Variants in AMPD3 observed in about 807,000 individuals in gnomAD.
AMPD3 encodes the protein adenosine monophosphate deaminase 3, also known as AMP deaminase 3.
Under a neutral mutation model 82.3 loss-of-function variants are expected in AMPD3, and 57 were observed. The ratio of observed to expected loss-of-function variants is 0.69; its 90% CI spans 0.56 to 0.86. The LOEUF (loss-of-function observed/expected upper bound fraction) is 0.86. Among genes scored for constraint, AMPD3 ranks in the 40% least tolerant of loss-of-function variants. The pLI, the probability that AMPD3 is intolerant of heterozygous loss-of-function variation, is 0.00. For synonymous variants in AMPD3, 381 were observed against 394.7 expected, an observed-to-expected ratio of 0.97 and a Z score of 0.41; for missense variants, 870 against 1,003.8, an observed-to-expected ratio of 0.87 and a Z score of 1.80.
At chr11:10,486,093 C>G (rs1849060221) in intron 5 of AMPD3, among the ~76,000 whole-genome samples, 1 of 152,160 alleles carries the variant, frequency 6.6e-6, no homozygotes. Context: ...ATGGGAAGGG[C>G]AGGGGCGGTT....
intron 2 of AMPD3, among the ~76,000 whole-genome samples, chr11:10,465,833 T>G (rs1383717030): frequency 2.0e-5 from 3 of 151,430 alleles, no homozygotes; most frequent in African/African-American, 7.3e-5. Flanking sequence ...TTTTTTTTTT[T>G]TTTTTTTCTG....
At chr11:10,505,372 T>A in intron 14 of AMPD3, 1 of 815,964 alleles carries the variant, frequency 1.2e-6, no homozygotes, top group African/African-American at 4.7e-5. Context: ...CCTTGTCAGC[T>A]CTCAGGGGCT....
At chr11:10,501,783 A>G (rs1849588396) in intron 12 of AMPD3, 193 bp downstream of exon 12, 2 of 985,096 alleles carry the variant, frequency 2.0e-6, no homozygotes, top group African/African-American at 3.5e-5. Flanking sequence ...AAAACTGGAG[A>G]AATGGAAAAA....
Position 10,461,746 on chromosome 11 carries a change from T to C in AMPD3, c.221+6T>C, listed in dbSNP as rs1293259555. On this transcript the variant is annotated splice_donor_region_variant and intron_variant, in intron 2 of 14. Transcript: ENST00000396553. ...TCTGTGGAGACCGCAAAAAGGTTTG[T>C]TCCCAAGGCATGGTTTTCGTGTACA... The C allele has an allele frequency of 5.0e-6, 8 of 1,601,972 alleles. No individual in the cohort carries two copies. The Admixed American group carries it at 5.2e-5, about 10-fold the overall frequency.
At position 10,465,855 on chromosome 11, in the gene AMPD3, C is replaced by T. The variant is rs367665309; in HGVS notation, c.221+4115C>T. On this transcript the variant is annotated intron_variant, in intron 2 of 14. Coordinates refer to ENST00000396553, the MANE Select transcript of AMPD3 (RefSeq NM_001025389.2). ...TTTTTTTTTTTCTGTACCCCAGTGG[C>T]GCCTGGAGCGCCAGCAAGACAGAAT... Among the ~76,000 whole-genome samples the T allele has an allele frequency of 2.1e-3, 305 of 144,900 alleles. 1 individual carries two copies. The highest frequency in any genetic ancestry group is 7.2e-3 in the African/African-American group (282 of 38,990).
chr11:10,484,280 C>G, intron 4 of AMPD3: 2 of 985,370 alleles, frequency 2.0e-6, no homozygotes, highest in Non-Finnish European at 2.4e-6. Context: ...TTGGCATTCT[C>G]TGCTCTGGGG....
At chr11:10,498,321 A>G (rs1267232764) in intron 10 of AMPD3, 1 of 152,716 alleles carries the variant, frequency 6.5e-6, no homozygotes, top group East Asian at 1.9e-4. Context: ...AGCATGGATG[A>G]TGTGCTGTCC....
At chr11:10,502,538 G>T in intron 12 of AMPD3, 183 bp from the exon 13 acceptor site, 1 of 985,446 alleles carries the variant, frequency 1.0e-6, no homozygotes, top group Non-Finnish European at 1.2e-6. Flanking sequence ...GAGATGAACA[G>T]TGGGGAAGGG....
At chr11:10,500,470 A>T (rs891748427) in intron 11 of AMPD3, 5 of 591,060 alleles carry the variant, frequency 8.5e-6, no homozygotes, top group African/African-American at 6.0e-5. Flanking sequence ...TGCCCACCAT[A>T]ACACACATGC....
chr11:10,485,559 G>A (rs893824654), intron 5 of AMPD3, among the ~76,000 whole-genome samples: 3 of 152,084 alleles, frequency 2.0e-5, no homozygotes, highest in African/African-American at 4.8e-5. Flanking sequence ...TGTCCCTTCT[G>A]CGTGCATAGT....
At chr11:10,466,746 G>T (rs1385201870) in intron 2 of AMPD3, among the ~76,000 whole-genome samples, 2 of 152,192 alleles carry the variant, frequency 1.3e-5, no homozygotes, top group East Asian at 3.9e-4. Context: ...ATCCTGACTG[G>T]GAGACACCTC....
intron 12 of AMPD3, chr11:10,502,263 T>C: frequency 5.1e-6 from 5 of 985,452 alleles, no homozygotes; most frequent in Non-Finnish European, 6.0e-6. Flanking sequence ...CCTGGGCAGG[T>C]CCACCCCTCC....
At chr11:10,452,485 A>G (rs1847986637), upstream of AMPD3, among the ~76,000 whole-genome samples, 1 of 152,096 alleles carries the variant, frequency 6.6e-6, no homozygotes, top group Non-Finnish European at 1.5e-5. Context: ...GGCTGTGTAC[A>G]GTCACCGAGA....
intron 6 of AMPD3, among the ~76,000 whole-genome samples, chr11:10,490,125 C>A (rs141245617): frequency 6.6e-6 from 1 of 152,132 alleles, no homozygotes; most frequent in South Asian, 2.1e-4. Context: ...GCAGGAGCTG[C>A]GACGTGGCCG....
chr11:10,460,545 T>G (rs1848239045), intron 1 of AMPD3, among the ~76,000 whole-genome samples: 1 of 152,038 alleles, frequency 6.6e-6, no homozygotes, highest in South Asian at 2.1e-4. Context: ...CAGCTGGGAT[T>G]ACAGGTGCCT....
At chr11:10,500,278 TG>T (rs1480720396) in intron 11 of AMPD3, 29 bp downstream of exon 11, 1 of 1,613,082 alleles carries the variant, frequency 6.2e-7, no homozygotes, top group Admixed American at 1.7e-5. Context: ...CGCACATGCT[TG>T]GGTTCATGTG....
chr11:10,500,440 T>C (rs1049480522), intron 11 of AMPD3, 191 bp downstream of exon 11: 16 of 549,768 alleles, frequency 2.9e-5, no homozygotes, highest in Non-Finnish European at 2.8e-5. Context: ...TGTCTCCACA[T>C]GATCACACAC....
intron 11 of AMPD3, chr11:10,500,903 C>T: frequency 1.0e-6 from 1 of 985,432 alleles, no homozygotes; most frequent in South Asian, 4.7e-5. Flanking sequence ...CTGCTGGGCC[C>T]TGGGGTCTCT....
At position 10,478,728 on chromosome 11, in the gene AMPD3, G is replaced by A; in HGVS notation, c.424G>A (p.Gly142Arg). The A allele has an allele frequency of 2.5e-6, 4 of 1,611,500 alleles. No individual in the cohort carries two copies. Among genetic ancestry groups the A allele is most frequent in the Non-Finnish European group, 3.4e-6 (4 of 1,180,010 alleles). ...CACCATCAGCGGAGATTACTGTGCCGGGGTAAGGCGTCTGTGAGAGTGTTG... is the reference window on the plus strand; with the variant it reads ...CACCATCAGCGGAGATTACTGTGCCAGGGTAAGGCGTCTGTGAGAGTGTTG... ...RVTISGDYCA[G>R]ITLEDYEQAA... is the part of the protein sequence containing the mutation. The change falls in exon 3 of 15, where the codon GGG becomes AGG. Residue 142 changes from glycine (G) to arginine (R), a missense_variant and splice_region_variant. Coordinates refer to ENST00000396553, the MANE Select transcript of AMPD3 (RefSeq NM_001025389.2).
Sources: allele counts gnomAD v4.1 joint callset (sites outside exome capture counted in the v4.1 genomes callset), GRCh38; gene constraint gnomAD v4.1.1; transcripts MANE v1.5; gene names NCBI Gene and HGNC (gene_info 2026-07-23, HGNC 2026-07-21).